Variants in SENP2 observed in about 807,000 individuals in gnomAD.
SENP2 encodes SUMO specific peptidase 2.
In SENP2, 16 loss-of-function variants were observed where a neutral mutation model predicts 86.3. That is an observed-to-expected ratio of 0.19 (90% CI 0.13 to 0.28). The LOEUF (loss-of-function observed/expected upper bound fraction) is 0.28, where lower values mean the gene tolerates loss of function less well. Among genes scored for constraint, SENP2 ranks in the 10% least tolerant of loss-of-function variants. The probability of loss-of-function intolerance (pLI) is 1.00; values close to 1 mark genes in which losing one functional copy is unlikely to be tolerated. For missense variants in SENP2, 552 were observed against 703.0 expected (o/e 0.79, Z 2.43); for synonymous variants, 222 against 238.7 (o/e 0.93, Z 0.64).
rs777203979 is a variant in SENP2, at chr3:185,600,839, G to A, written c.433G>A (p.Val145Ile). ...AGTTACCCGAGATCAGCCACGCAGA[G>A]TCCTGCCTTCCTTTGGGTAAGTGTT... Reference protein sequence around the residue: ...VTVTRDQPRRVLPSFGFTLNS... With the variant: ...VTVTRDQPRRILPSFGFTLNS... Residue 145 changes from valine to isoleucine, a missense_variant, in exon 5 of 17, where the codon GTC becomes ATC. This residue lies in a region of SENP2 where 383 missense variants were observed against 427.3 expected (regional missense o/e 0.90). Transcript: ENST00000296257. The A allele has an allele frequency of 1.9e-6, 3 of 1,610,040 alleles. No individual in the cohort carries two copies. The South Asian group carries it at 3.3e-5, about 18-fold the overall frequency.
At chr3:185,621,386 C>CTTTTTT (rs1220771289) in intron 13 of SENP2, among the ~76,000 whole-genome samples, 24 of 78,770 alleles carry the variant, frequency 3.0e-4, no homozygotes, top group South Asian at 4.3e-4. Flanking sequence ...TCTTTTTTTT[C>CTTTTTT]TTTTTTTTTT....
intron 6 of SENP2, among the ~76,000 whole-genome samples, chr3:185,607,574 C>T (rs929708258): frequency 6.6e-6 from 1 of 152,126 alleles, no homozygotes; most frequent in African/African-American, 2.4e-5. Flanking sequence ...AGGTGATCCA[C>T]CTACCTCAGC....
chr3:185,591,349 CT>C (rs1721989822), intron 2 of SENP2, among the ~76,000 whole-genome samples: 1 of 151,804 alleles, frequency 6.6e-6, no homozygotes, highest in African/African-American at 2.4e-5. Context: ...AGAAAAGATA[CT>C]TCTTATTTAT....
chr3:185,617,757 G>T, intron 12 of SENP2, 146 bp downstream of exon 12: 1 of 681,900 alleles, frequency 1.5e-6, no homozygotes, highest in Non-Finnish European at 2.3e-6. Context: ...ATCTTAAAAA[G>T]ATGGTTAGTT....
rs1423338340 is a variant in SENP2, at chr3:185,614,718, A to G, written c.1088A>G (p.Asp363Gly). 6.2e-7 allele frequency: 1 copy of G among 1,614,156 alleles called. No homozygotes were observed. Among genetic ancestry groups the G allele is most frequent in the South Asian group, 1.1e-5 (1 of 91,078 alleles). ...GGCAAAGAGAGGGACAGAAGAACGG[A>G]CGATCTCCTTGAACTTACAGAGGTA... ...CSGKERDRRT[D>G]DLLELTEDME... The change falls in exon 11 of 17, where the codon GAC (aspartate) becomes GGC (glycine). Residue 363 changes from aspartate to glycine, a missense_variant. Physicochemically the swap from Asp to Gly is moderately conservative, Grantham distance 94 (BLOSUM62 -1). Coordinates refer to ENST00000296257, the MANE Select transcript of SENP2 (RefSeq NM_021627.3).
In SENP2 at chr3:185,598,477, C is replaced by T; in HGVS notation, c.223C>T (p.Gln75Ter). ...NAASLFGFPFQLTTKPMVTSA... is the reference protein window; with the variant it reads ...NAASLFGFPF Reference sequence around the variant, plus strand: ...TGCCAGCTTATTTGGATTCCCATTCCAGCTGACCACAAAGCCCATGGTAAC... The same window carrying T: ...TGCCAGCTTATTTGGATTCCCATTCTAGCTGACCACAAAGCCCATGGTAAC... The change falls in exon 3 of 17, where the codon CAG becomes TAG. Residue 75 changes from glutamine to a stop codon, truncating the protein, a stop_gained. Transcript: ENST00000296257. LOFTEE classifies it high-confidence loss of function. The T allele has an allele frequency of 6.2e-7, 1 of 1,614,022 alleles. No individual in the cohort carries two copies. The highest frequency in any genetic ancestry group is 8.5e-7 in the Non-Finnish European group (1 of 1,179,982).
Position 185,614,657 on chromosome 3 carries a change from G to C in SENP2, c.1027G>C (p.Val343Leu). 1 of 1,614,240 alleles carries C rather than the reference G, an allele frequency of 6.2e-7. No homozygotes were observed. The highest frequency in any genetic ancestry group is 2.2e-5 in the East Asian group (1 of 44,890). The change falls in exon 11 of 17, where the codon GTG (valine) becomes CTG (leucine). Residue 343 changes from valine to leucine, a missense_variant. Val to Leu is a conservative substitution (Grantham distance 32, BLOSUM62 1). Transcript: ENST00000296257. ...AAGCAATGGCTTACTCAGGAGGAAA[G>C]TGTCAATAATTGAGACAAAGGAAAA... ...SGSNGLLRRK[V>L]SIIETKEKNC...
At chr3:185,593,222 CA>C (rs762017343) in intron 2 of SENP2, among the ~76,000 whole-genome samples, 6 of 151,850 alleles carry the variant, frequency 4.0e-5, no homozygotes, top group African/African-American at 7.3e-5. Flanking sequence ...GAATAGAGCT[CA>C]GGGAAAAAAA....
At chr3:185,624,249 C>T (rs924897089) in intron 15 of SENP2, among the ~76,000 whole-genome samples, 167 bp downstream of exon 15, 1 of 151,680 alleles carries the variant, frequency 6.6e-6, no homozygotes, top group East Asian at 1.9e-4. Context: ...TGCTTTGTTG[C>T]CCAGGCTAGT....
intron 2 of SENP2, among the ~76,000 whole-genome samples, chr3:185,595,881 AC>A: frequency 6.6e-6 from 1 of 150,740 alleles, no homozygotes; most frequent in Non-Finnish European, 1.5e-5. Context: ...CCTCACTGCA[AC>A]CTCTACCTCC....
At chr3:185,612,926 G>T (rs2148990260) in intron 9 of SENP2, among the ~76,000 whole-genome samples, 2 of 152,318 alleles carry the variant, frequency 1.3e-5, no homozygotes, top group East Asian at 3.9e-4. Flanking sequence ...GAGTGGGGAT[G>T]TCTAGTGTCA....
chr3:185,588,883 C>T (rs1035714458), intron 1 of SENP2, among the ~76,000 whole-genome samples: 1 of 152,130 alleles, frequency 6.6e-6, no homozygotes, highest in Non-Finnish European at 1.5e-5. Context: ...TGATGTGAAT[C>T]CCTGCTAGTC....
At chr3:185,606,224 TA>T in intron 5 of SENP2, 105 bp from the exon 6 acceptor site, 1 of 1,005,076 alleles carries the variant, frequency 9.9e-7, no homozygotes, top group Non-Finnish European at 1.4e-6. Flanking sequence ...TTGCCAGGAG[TA>T]AGCTTGACCT....
Position 185,629,906 on chromosome 3 carries a change from C to A in SENP2, c.*62C>A. ...CTTTCACAGACATTTCCATATACCT[C>A]ATGCATTGTGGGTTAAAAAGTCCCT... On this transcript the variant is annotated 3_prime_UTR_variant, in exon 17 of 17. Coordinates refer to ENST00000296257, the MANE Select transcript of SENP2 (RefSeq NM_021627.3). 1.3e-6 allele frequency: 2 copies of A among 1,517,926 alleles called. No individual in the cohort carries two copies. Among genetic ancestry groups the A allele is most frequent in the Non-Finnish European group, 1.8e-6 (2 of 1,093,738 alleles). The allele number at this position is 1,517,926 out of a possible 1,614,324, so 94.0% of individuals were successfully genotyped here.
chr3:185,618,723 A>G (rs1711718890), intron 12 of SENP2, among the ~76,000 whole-genome samples: 1 of 151,924 alleles, frequency 6.6e-6, no homozygotes, highest in African/African-American at 2.4e-5. Context: ...CTAAAAATAC[A>G]AAAAAATTAG....
intron 15 of SENP2, among the ~76,000 whole-genome samples, chr3:185,625,155 A>G (rs1192087821): frequency 6.7e-6 from 1 of 149,966 alleles, no homozygotes; most frequent in Non-Finnish European, 1.5e-5. Flanking sequence ...TCTGTCGCCT[A>G]GGCTGGAGTG....
intron 6 of SENP2, chr3:185,609,028 G>C: frequency 2.6e-6 from 1 of 389,982 alleles, no homozygotes; most frequent in South Asian, 5.2e-5. Flanking sequence ...CTGGAGAGCA[G>C]TGGCCCATCT....
At position 185,619,282 on chromosome 3, in the gene SENP2, C is replaced by A; in HGVS notation, c.1243-17C>A. On this transcript the variant is annotated splice_polypyrimidine_tract_variant and intron_variant, in intron 12 of 16. Transcript: ENST00000296257. ...TGTTTGCCATGTTCCAGCTTTTGCTCCCTTGGTATTTTGTAGGTCATTAAT... is the reference window on the plus strand; with the variant it reads ...TGTTTGCCATGTTCCAGCTTTTGCTACCTTGGTATTTTGTAGGTCATTAAT... 6.3e-7 allele frequency: 1 copy of A among 1,580,026 alleles called. No individual in the cohort carries two copies. Among genetic ancestry groups the A allele is most frequent in the South Asian group, 1.1e-5 (1 of 90,320 alleles).
chr3:185,621,949 C>T (rs768887352), intron 14 of SENP2, 44 bp downstream of exon 14: 2 of 1,294,170 alleles, frequency 1.5e-6, no homozygotes, highest in Non-Finnish European at 2.2e-6. Flanking sequence ...TTGAGGTGAT[C>T]TCTCTTTTAT....
Sources: allele counts gnomAD v4.1 joint callset (sites outside exome capture counted in the v4.1 genomes callset), GRCh38; gene constraint gnomAD v4.1.1; regional missense constraint gnomAD v4.1.1; transcripts MANE v1.5; gene names NCBI Gene and HGNC (gene_info 2026-07-23, HGNC 2026-07-21).